Variants in CCR3 observed in about 807,000 individuals in gnomAD.
CCR3 encodes C-C chemokine receptor type 3.
For missense variants in CCR3, 419 were observed against 437.5 expected (o/e 0.96, Z 0.38); for synonymous variants, 203 against 179.2 (o/e 1.13, Z -1.06).
At chr3:46,233,075 C>T (rs144584622) in intron 2 of CCR3, among the ~76,000 whole-genome samples, 3 of 152,246 alleles carry the variant, frequency 2.0e-5, no homozygotes, top group Non-Finnish European at 4.4e-5. Flanking sequence ...TCGTGATCCA[C>T]GTGTCTCAGC....
chr3:46,241,674 G>A (rs1215624298), upstream of CCR3, among the ~76,000 whole-genome samples: 1 of 152,086 alleles, frequency 6.6e-6, no homozygotes, highest in Non-Finnish European at 1.5e-5. Context: ...ACTACCCCCA[G>A]CTTATGTAGC....
At chr3:46,244,745 T>C (rs1418267495) in intron 1 of CCR3, among the ~76,000 whole-genome samples, 1 of 152,218 alleles carries the variant, frequency 6.6e-6, no homozygotes, top group African/African-American at 2.4e-5. Flanking sequence ...ATTCTTCAGT[T>C]ACTTCAGGCC....
intron 1 of CCR3, among the ~76,000 whole-genome samples, chr3:46,262,828 A>AT (rs1700552465): frequency 6.6e-6 from 1 of 151,852 alleles, no homozygotes; most frequent in African/African-American, 2.4e-5. Flanking sequence ...CTAATTTCTT[A>AT]TTTTTTTGTA....
chr3:46,233,577 T>G (rs1201948765), intron 2 of CCR3, among the ~76,000 whole-genome samples: 1 of 152,190 alleles, frequency 6.6e-6, no homozygotes, highest in Admixed American at 6.5e-5. Flanking sequence ...CAGTGTAATG[T>G]GGCAGTGAGA....
At position 46,265,775 on chromosome 3, in the gene CCR3, T is replaced by C. The variant is rs1293131879; in HGVS notation, c.617T>C (p.Phe206Ser). ...TTCCACACTCTGAGAATGACCATCTTCTGTCTCGTTCTCCCTCTGCTCGTT... is the reference window on the plus strand; with the variant it reads ...TTCCACACTCTGAGAATGACCATCTCCTGTCTCGTTCTCCCTCTGCTCGTT... ...RHFHTLRMTI[F>S]CLVLPLLVMA... The change falls in exon 2 of 2, where the codon TTC becomes TCC. Residue 206 changes from phenylalanine to serine, a missense_variant. Transcript: ENST00000395940. The C allele has an allele frequency of 2.5e-6, 4 of 1,613,778 alleles. No individual in the cohort carries two copies. The highest frequency in any genetic ancestry group is 3.4e-6 in the Non-Finnish European group (4 of 1,180,014).
intron 2 of CCR3, among the ~76,000 whole-genome samples, chr3:46,217,689 A>G (rs56698532): frequency 0.097 from 14,724 of 152,030 alleles, 2,218 homozygotes; most frequent in African/African-American, 0.32. Flanking sequence ...AATACATGGA[A>G]ATTAAATAAT....
upstream of CCR3, among the ~76,000 whole-genome samples, chr3:46,241,373 G>A (rs959731969): frequency 6.6e-6 from 1 of 152,062 alleles, no homozygotes; most frequent in Admixed American, 6.6e-5. Flanking sequence ...CACAAATATT[G>A]GGTGAATACC....
intron 2 of CCR3, among the ~76,000 whole-genome samples, chr3:46,226,541 C>G (rs1276345712): frequency 6.6e-6 from 1 of 152,140 alleles, no homozygotes; most frequent in Non-Finnish European, 1.5e-5. Flanking sequence ...TTTGTTCCTG[C>G]AATCTTACTG....
At chr3:46,229,257 G>T (rs34677490) in intron 2 of CCR3, among the ~76,000 whole-genome samples, 9,318 of 152,156 alleles carry the variant, frequency 0.061, 471 homozygotes, top group South Asian at 0.25. Flanking sequence ...GCTAACTCTT[G>T]TGATATCAGA....
At chr3:46,241,155 CAT>C (rs148289385), upstream of CCR3, among the ~76,000 whole-genome samples, 8,729 of 133,324 alleles carry the variant, frequency 0.065, 384 homozygotes, top group South Asian at 0.22. Context: ...CTCTAATGCA[CAT>C]GTGTGTGCGC....
chr3:46,217,093 C>A (rs892460238), intron 2 of CCR3, among the ~76,000 whole-genome samples: 1 of 151,994 alleles, frequency 6.6e-6, no homozygotes, highest in Non-Finnish European at 1.5e-5. Context: ...CTCACATAAA[C>A]TTAAGGTAAA....
At chr3:46,230,649 G>T (rs887383894) in intron 2 of CCR3, among the ~76,000 whole-genome samples, 1 of 152,160 alleles carries the variant, frequency 6.6e-6, no homozygotes, top group South Asian at 2.1e-4. Flanking sequence ...ACAAGACAGG[G>T]TACCTAAAGC....
intron 1 of CCR3, among the ~76,000 whole-genome samples, chr3:46,262,501 C>T (rs941930391): frequency 2.0e-5 from 3 of 152,244 alleles, no homozygotes; most frequent in South Asian, 2.1e-4. Flanking sequence ...TACTTATTTA[C>T]GATTACCCTA....
intron 2 of CCR3, among the ~76,000 whole-genome samples, chr3:46,223,240 A>G (rs765445974): frequency 2.6e-5 from 4 of 152,186 alleles, no homozygotes; most frequent in Non-Finnish European, 4.4e-5. Context: ...TAATCCCAGC[A>G]GAGGGAGGAG....
upstream of CCR3, among the ~76,000 whole-genome samples, chr3:46,241,166 G>GCTCTCTCT (rs58133632): frequency 0.058 from 8,652 of 149,216 alleles, 365 homozygotes; most frequent in South Asian, 0.2. Context: ...ATGTGTGTGC[G>GCTCTCTCT]CTCTCTCTCT....
chr3:46,227,259 G>A (rs1352596195), intron 2 of CCR3, among the ~76,000 whole-genome samples: 1 of 152,052 alleles, frequency 6.6e-6, no homozygotes, highest in African/African-American at 2.4e-5. Context: ...TTTCTGAATT[G>A]TTGAATTTAT....
chr3:46,260,490 G>A (rs980441978), intron 1 of CCR3, among the ~76,000 whole-genome samples: 3 of 152,140 alleles, frequency 2.0e-5, no homozygotes, highest in South Asian at 4.1e-4. Context: ...ATTCTAAATG[G>A]GAGAAATTGG....
rs951142952 is a variant in CCR3 at position 46,249,260 on chromosome 3, T to A, written c.-12+6722T>A. Among the ~76,000 whole-genome samples the A allele has an allele frequency of 2.6e-4, 40 of 152,046 alleles. 2 individuals carry two copies. Among genetic ancestry groups the A allele is most frequent in the Non-Finnish European group, 1.5e-5 (1 of 68,010 alleles). On this transcript the variant is annotated intron_variant, in intron 1 of 1. Coordinates refer to ENST00000395940, the MANE Select transcript of CCR3 (RefSeq NM_178329.3). Reference sequence around the variant, plus strand: ...CAGGAATAGTCAGGGAAGCAGATAATTTGGTTAAAATATCTCGGCCTAATA... The same window carrying A: ...CAGGAATAGTCAGGGAAGCAGATAAATTGGTTAAAATATCTCGGCCTAATA...
intron 2 of CCR3, among the ~76,000 whole-genome samples, chr3:46,228,849 T>A (rs1051611333): frequency 4.6e-5 from 7 of 152,268 alleles, no homozygotes; most frequent in African/African-American, 1.4e-4. Context: ...GCTCATCAGA[T>A]GATAGTTATT....
Sources: allele counts gnomAD v4.1 joint callset (sites outside exome capture counted in the v4.1 genomes callset), GRCh38; gene constraint gnomAD v4.1.1; transcripts MANE v1.5; gene names NCBI Gene and HGNC (gene_info 2026-07-23, HGNC 2026-07-21).